Variants in SGCD observed in about 807,000 individuals in gnomAD.
The protein encoded by SGCD is sarcoglycan delta.
A neutral mutation model predicts 36.6 loss-of-function variants in SGCD; 18 were observed. The ratio of observed to expected loss-of-function variants is 0.49; its 90% CI spans 0.34 to 0.73. The LOEUF (loss-of-function observed/expected upper bound fraction) is 0.73, where lower values mean the gene tolerates loss of function less well. Among genes scored for constraint, SGCD ranks in the 30% least tolerant of loss-of-function variants. SGCD has a pLI of 0.01. For synonymous variants in SGCD, 133 were observed against 130.6 expected (o/e 1.02, Z -0.12); for missense variants, 387 against 346.7 (o/e 1.12, Z -0.92).
At chr5:156,334,609 C>CTTTTTTTTT (rs35767339) in intron 2 of SGCD, among the ~76,000 whole-genome samples, 48 of 105,006 alleles carry the variant, frequency 4.6e-4, no homozygotes, top group African/African-American at 8.8e-4. Context: ...GGTCTATTTT[C>CTTTTTTTTT]TTTTTTTTTT....
At chr5:156,229,906 T>G (rs1199250140) in intron 3 of SGCD, among the ~76,000 whole-genome samples, 1 of 152,184 alleles carries the variant, frequency 6.6e-6, no homozygotes, top group African/African-American at 2.4e-5. Flanking sequence ...TTCGAAGACC[T>G]TATTTTTGAG....
chr5:156,598,130 C>T (rs965574868), intron 6 of SGCD, among the ~76,000 whole-genome samples: 1 of 152,188 alleles, frequency 6.6e-6, no homozygotes, highest in East Asian at 1.9e-4. Context: ...AAATATGTTC[C>T]TAAGACTTTT....
chr5:156,631,307 A>G (rs934510267), intron 6 of SGCD, among the ~76,000 whole-genome samples: 4 of 152,176 alleles, frequency 2.6e-5, no homozygotes, highest in Admixed American at 1.3e-4. Flanking sequence ...CATAGATAGT[A>G]TACCTTAATC....
intron 1 of SGCD, among the ~76,000 whole-genome samples, chr5:155,877,093 T>C (rs1458879453): frequency 1.3e-5 from 2 of 152,108 alleles, no homozygotes; most frequent in African/African-American, 2.4e-5. Context: ...TGAAGTCTTA[T>C]GGGCCTTAAA....
chr5:156,157,006 A>C (rs1219826979), intron 3 of SGCD, among the ~76,000 whole-genome samples: 1 of 151,606 alleles, frequency 6.6e-6, no homozygotes, highest in Admixed American at 6.6e-5. Flanking sequence ...TCAAAGATTT[A>C]TTGCATTTGA....
chr5:156,303,394 G>A (rs1023309039), intron 3 of SGCD, among the ~76,000 whole-genome samples: 2 of 152,040 alleles, frequency 1.3e-5, no homozygotes, highest in Non-Finnish European at 2.9e-5. Flanking sequence ...CTGTAACCAA[G>A]GGTGGTTCCA....
the SGCD span, among the ~76,000 whole-genome samples, chr5:155,838,227 A>G: frequency 1.3e-5 from 2 of 152,298 alleles, no homozygotes; most frequent in South Asian, 4.1e-4. Flanking sequence ...ATTAACATAT[A>G]TTAATATTAA....
chr5:156,590,125 G>T (rs775477871), intron 5 of SGCD, among the ~76,000 whole-genome samples: 2 of 152,168 alleles, frequency 1.3e-5, no homozygotes, highest in African/African-American at 2.4e-5. Context: ...CATTTGTTTG[G>T]CTTCAGGGCT....
At chr5:155,765,149 T>C in the SGCD span, among the ~76,000 whole-genome samples, 2 of 151,800 alleles carry the variant, frequency 1.3e-5, no homozygotes, top group South Asian at 2.1e-4. Flanking sequence ...CATGGTGGCA[T>C]GCACCTGTTA....
At chr5:156,353,146 C>T (rs962639970) in intron 3 of SGCD, among the ~76,000 whole-genome samples, 2 of 152,150 alleles carry the variant, frequency 1.3e-5, no homozygotes, top group Admixed American at 6.5e-5. Context: ...CAAGGAACTG[C>T]GACCCAGTCA....
chr5:156,374,493 A>C (rs1770551521), intron 3 of SGCD, among the ~76,000 whole-genome samples: 1 of 152,108 alleles, frequency 6.6e-6, no homozygotes, highest in Non-Finnish European at 1.5e-5. Context: ...AGCAACAGAA[A>C]CCTAGCAAAT....
chr5:156,058,322 A>G (rs1462180747), intron 1 of SGCD, among the ~76,000 whole-genome samples: 1 of 146,656 alleles, frequency 6.8e-6, no homozygotes, highest in East Asian at 1.9e-4. Context: ...AATATCTTAC[A>G]AAGAATAAAG....
chr5:156,757,263 CAAAAAAAAAAAA>C (rs34767809), intron 7 of SGCD, among the ~76,000 whole-genome samples: 70 of 69,394 alleles, frequency 1.0e-3, no homozygotes, highest in African/African-American at 3.8e-3. Context: ...CTTACTTTTA[CAAAAAAAAAAAA>C]AAAAAAAAAA....
intron 1 of SGCD, among the ~76,000 whole-genome samples, chr5:155,975,214 A>G (rs1451249103): frequency 2.6e-5 from 4 of 152,314 alleles, no homozygotes; most frequent in Middle Eastern, 6.8e-3. Flanking sequence ...AATCTGCACC[A>G]TCATCACCAT....
rs576740554 is a variant in SGCD at position 156,051,911 on chromosome 5, T to C, written c.-281-65967T>C. Among the ~76,000 whole-genome samples the C allele has an allele frequency of 1.1e-4, 16 of 145,690 alleles. 1 individual carries two copies. Among genetic ancestry groups the C allele is most frequent in the African/African-American group, 3.7e-4 (15 of 40,638 alleles). On this transcript the variant is annotated intron_variant, in intron 1 of 9. Coordinates refer to the SGCD transcript ENST00000517913. ...TGAGCAGAGGGAATGGGATGTGAAA[T>C]GCTGGTGGAGGTGGAAGGCGTTATG...
chr5:155,850,135 T>C, the SGCD span, among the ~76,000 whole-genome samples: 37 of 152,200 alleles, frequency 2.4e-4, no homozygotes, highest in Non-Finnish European at 4.7e-4. Context: ...TAATTTTGGA[T>C]TCAAGGCTTG....
chr5:156,531,838 G>A (rs1483886574), intron 4 of SGCD, among the ~76,000 whole-genome samples: 1 of 152,190 alleles, frequency 6.6e-6, no homozygotes, highest in Non-Finnish European at 1.5e-5. Flanking sequence ...GCTAGGCACG[G>A]TGGCTCATGC....
Position 156,096,515 on chromosome 5 carries a change from T to TATTGAGTC in SGCD, c.-281-21358_-281-21351dup, listed in dbSNP as rs537942548. On this transcript the variant is annotated intron_variant, in intron 1 of 9. Coordinates refer to the SGCD transcript ENST00000517913. ...CTAGATGACTTGTTCCAATAACTTA[T>TATTGAGTC]ATTGAGTCATTGCCCCATCTGGTGA... Among the ~76,000 whole-genome samples, 392 of 152,288 alleles carry TATTGAGTC rather than the reference T, an allele frequency of 2.6e-3. 1 individual carries two copies. The highest frequency in any genetic ancestry group is 8.9e-3 in the African/African-American group (370 of 41,556).
chr5:156,658,316 A>G (rs1217909752), intron 7 of SGCD, among the ~76,000 whole-genome samples: 5 of 12,360 alleles, frequency 4.0e-4, no homozygotes, highest in Admixed American at 1.9e-3. Flanking sequence ...ATTTCAGACT[A>G]TCACATGGGG....
Sources: allele counts gnomAD v4.1 joint callset (sites outside exome capture counted in the v4.1 genomes callset), GRCh38; gene constraint gnomAD v4.1.1; transcripts MANE v1.5; gene names NCBI Gene and HGNC (gene_info 2026-07-23, HGNC 2026-07-21).